Variants in TJP2 observed in about 807,000 individuals in gnomAD.
The protein encoded by TJP2 is Friedreich ataxia region gene X104 (tight junction protein ZO-2).
In TJP2, 91 loss-of-function variants were observed where a neutral mutation model predicts 133.1. The observed-to-expected ratio is 0.68, with a 90% CI of 0.58 to 0.81. The LOEUF is 0.81. Among genes scored for constraint, TJP2 ranks in the 40% least tolerant of loss-of-function variants. The pLI is 0.00. For synonymous variants in TJP2, 592 were observed against 583.4 expected, an observed-to-expected ratio of 1.01 and a Z score of -0.21; for missense variants, 1,541 against 1,565.6, an observed-to-expected ratio of 0.98 and a Z score of 0.26.
At chr9:69,219,414 C>T (rs1018606214) in intron 4 of TJP2, among the ~76,000 whole-genome samples, 3 of 152,136 alleles carry the variant, frequency 2.0e-5, no homozygotes, top group African/African-American at 7.2e-5. Context: ...TGTATATAAA[C>T]ACTCATGTCT....
chr9:69,204,447 T>C (rs1827238753), intron 1 of TJP2, among the ~76,000 whole-genome samples: 1 of 152,160 alleles, frequency 6.6e-6, no homozygotes, highest in South Asian at 2.1e-4. Context: ...TTCAGAAACC[T>C]AAAATTTGCT....
intron 2 of TJP2, among the ~76,000 whole-genome samples, chr9:69,166,983 A>G (rs1170962139): frequency 6.6e-6 from 1 of 151,822 alleles, no homozygotes; most frequent in Non-Finnish European, 1.5e-5. Context: ...CCATAATCCT[A>G]GCACTTTCGG....
chr9:69,216,743 C>A (rs1382940873), intron 3 of TJP2, among the ~76,000 whole-genome samples: 1 of 152,128 alleles, frequency 6.6e-6, no homozygotes, highest in Non-Finnish European at 1.5e-5. Flanking sequence ...CATTTCTGAA[C>A]ATGGAGTTTT....
At chr9:69,189,582 G>A (rs1045732516) in intron 1 of TJP2, among the ~76,000 whole-genome samples, 32 of 148,882 alleles carry the variant, frequency 2.1e-4, no homozygotes, top group African/African-American at 7.2e-4. Flanking sequence ...ATTGTCCTGT[G>A]AATAGGAATA....
At chr9:69,147,564 G>A (rs1273714376) in intron 1 of TJP2, among the ~76,000 whole-genome samples, 1 of 152,166 alleles carries the variant, frequency 6.6e-6, no homozygotes, top group Non-Finnish European at 1.5e-5. Flanking sequence ...TTCTGCCTCA[G>A]GGTCTTTCAT....
Position 69,221,181 on chromosome 9 carries a change from C to G in TJP2, c.637C>G (p.Arg213Gly). Reference sequence around the variant, plus strand: ...CCTGGACCAAGACCATGCGCGCACCCGAGACCGCAGCCGTGGCCGGAGCCT... The same window carrying G: ...CCTGGACCAAGACCATGCGCGCACCGGAGACCGCAGCCGTGGCCGGAGCCT... ...RGLDQDHART[R>G]DRSRGRSLER... Residue 213 changes from arginine to glycine, a missense_variant, in exon 5 of 23, where the codon CGA becomes GGA. Arg to Gly is a moderately radical substitution (Grantham distance 125, BLOSUM62 -2). Coordinates refer to ENST00000377245, the MANE Select transcript of TJP2 (RefSeq NM_004817.4). 6.3e-7 allele frequency: 1 copy of G among 1,598,960 alleles called. No homozygotes were observed. Among genetic ancestry groups the G allele is most frequent in the South Asian group, 1.1e-5 (1 of 89,292 alleles).
Position 69,221,315 on chromosome 9 carries a change from C to T in TJP2, c.771C>T (p.Tyr257=), listed in dbSNP as rs769625993. 18 of 1,603,488 alleles carry T rather than the reference C, an allele frequency of 1.1e-5. No homozygotes were observed. Among genetic ancestry groups the T allele is most frequent in the Non-Finnish European group, 1.1e-5 (13 of 1,175,536 alleles). ...ACGAGCGAGCCTATCACCGGGCCTACGACCCAGACTACGAGCGGGCCTACA... is the reference window on the plus strand; with the variant it reads ...ACGAGCGAGCCTATCACCGGGCCTATGACCCAGACTACGAGCGGGCCTACA... The part of the protein sequence containing the change: ...QDYERAYHRA[Y]DPDYERAYSP... The change falls in exon 5 of 23, where the codon TAC becomes TAT. Residue 257 remains tyrosine (Y), a synonymous_variant. Transcript: ENST00000377245.
chr9:69,209,623 G>A (rs1214274916), intron 1 of TJP2, among the ~76,000 whole-genome samples: 4 of 151,160 alleles, frequency 2.6e-5, no homozygotes, highest in Non-Finnish European at 4.4e-5. Context: ...GTGTGGTGGC[G>A]CATGCCTGTA....
At chr9:69,250,661 G>T (rs1831265942) in intron 20 of TJP2, among the ~76,000 whole-genome samples, 1 of 152,148 alleles carries the variant, frequency 6.6e-6, no homozygotes, top group Non-Finnish European at 1.5e-5. Context: ...CCTCAGTGCA[G>T]CAGTGACCTC....
At chr9:69,250,292 TG>T (rs761163750) in intron 20 of TJP2, among the ~76,000 whole-genome samples, 1 of 152,012 alleles carries the variant, frequency 6.6e-6, no homozygotes, top group Non-Finnish European at 1.5e-5. Context: ...TTAGTAGAGA[TG>T]GGGTTTCGAC....
intron 1 of TJP2, among the ~76,000 whole-genome samples, chr9:69,135,012 C>G (rs1021554058): frequency 5.3e-5 from 8 of 151,924 alleles, no homozygotes; most frequent in African/African-American, 1.9e-4. Flanking sequence ...TTCTCTCATT[C>G]TCTCTCTTGT....
At chr9:69,215,832 A>G (rs772289444) in intron 2 of TJP2, among the ~76,000 whole-genome samples, 4 of 152,154 alleles carry the variant, frequency 2.6e-5, no homozygotes, top group Non-Finnish European at 4.4e-5. Flanking sequence ...GAGCCCAGAA[A>G]TTTGAGGCTG....
In TJP2 at chr9:69,237,118, A is replaced by G; in HGVS notation, c.2161A>G (p.Arg721Gly). Residue 721 changes from arginine (R) to glycine (G), a missense_variant, in exon 14 of 23, where the codon AGG (arginine) becomes GGG (glycine). Coordinates refer to ENST00000377245, the MANE Select transcript of TJP2 (RefSeq NM_004817.4). ...SVSTKFPAYERVLLREAGFKR... is the reference protein window; with the variant it reads ...SVSTKFPAYEGVLLREAGFKR... ...CAGCACCAAGTTCCCAGCTTATGAGAGGGTTTTGCTGCGAGAAGGTGAGGA... is the reference window on the plus strand; with the variant it reads ...CAGCACCAAGTTCCCAGCTTATGAGGGGGTTTTGCTGCGAGAAGGTGAGGA... The G allele has an allele frequency of 6.2e-7, 1 of 1,614,074 alleles. No homozygotes were observed. The highest frequency in any genetic ancestry group is 8.5e-7 in the Non-Finnish European group (1 of 1,179,984).
chr9:69,236,375 G>C, intron 13 of TJP2, 137 bp downstream of exon 13: 1 of 890,024 alleles, frequency 1.1e-6, no homozygotes, highest in Non-Finnish European at 1.7e-6. Flanking sequence ...CTTGTTTATG[G>C]AGAGTGGCCT....
chr9:69,196,515 G>A (rs910544549), intron 1 of TJP2, among the ~76,000 whole-genome samples: 1 of 152,290 alleles, frequency 6.6e-6, no homozygotes, highest in Admixed American at 6.5e-5. Flanking sequence ...ACTGAGGCAA[G>A]GAGAAATTAA....
At chr9:69,141,653 A>C (rs1823023252) in intron 1 of TJP2, among the ~76,000 whole-genome samples, 1 of 152,126 alleles carries the variant, frequency 6.6e-6, no homozygotes, top group African/African-American at 2.4e-5. Flanking sequence ...GTGTAGTGTC[A>C]TGATCTTGGC....
At chr9:69,121,479 A>G in exon 1 of TJP2, 1 of 382,282 alleles carries the variant, frequency 2.6e-6, no homozygotes, top group South Asian at 1.1e-4. Flanking sequence ...CAAACCTCTA[A>G]ACAGGAAATA....
rs537190294 is a variant in TJP2, at chr9:69,206,600, C to T, written c.61-5948C>T. 1.5e-4 allele frequency among the ~76,000 whole-genome samples: 23 copies of T among 151,340 alleles called. 1 individual carries two copies. The South Asian group carries it at 2.1e-3, about 14-fold the overall frequency. On this transcript the variant is annotated intron_variant, in intron 1 of 22. Coordinates refer to ENST00000377245, the MANE Select transcript of TJP2 (RefSeq NM_004817.4). ...TTAATTTTTTTATTTCTTTTTGAGA[C>T]GGAGTCTTGCTCTGTTGCCCAGGCT...
intron 11 of TJP2, 41 bp from the exon 12 acceptor site, chr9:69,234,398 C>CTTTCTTTTTTTTTTTTTTTTTTT: frequency 2.0e-6 from 2 of 982,288 alleles, no homozygotes; most frequent in South Asian, 1.6e-5. Context: ...TTCTTTCTTT[C>CTTTCTTTTTTTTTTTTTTTTTTT]TTTTTTTTTT....
Sources: gnomAD v4.1 joint callset for allele counts (sites outside exome capture counted in the v4.1 genomes callset) on GRCh38, gnomAD v4.1.1 for gene constraint, MANE v1.5 for transcripts, NCBI Gene and HGNC (gene_info 2026-07-23, HGNC 2026-07-21) for gene names.